TRHDE: variants seen among roughly 807,000 people sequenced by gnomAD.
TRHDE encodes thyrotropin-releasing hormone-degrading ectoenzyme.
Under a neutral mutation model 125.7 loss-of-function variants are expected in TRHDE, and 72 were observed. The observed-to-expected ratio is 0.57, with a 90% CI of 0.47 to 0.70. The LOEUF (loss-of-function observed/expected upper bound fraction) is 0.70. Among genes scored for constraint, TRHDE ranks in the 30% least tolerant of loss-of-function variants. The pLI is 0.00. For synonymous variants in TRHDE, 509 were observed against 509.1 expected (o/e 1.00, Z 0.00); for missense variants, 1,110 against 1,327.1 (o/e 0.84, Z 2.54).
intron 2 of TRHDE, among the ~76,000 whole-genome samples, chr12:72,239,477 A>G (rs757156916): frequency 3.3e-5 from 5 of 152,152 alleles, no homozygotes; most frequent in Non-Finnish European, 5.9e-5. Context: ...TATGTCCTGA[A>G]TGGTATTGCC....
At chr12:72,394,166 C>A (rs147433553) in intron 3 of TRHDE, among the ~76,000 whole-genome samples, 1 of 152,148 alleles carries the variant, frequency 6.6e-6, no homozygotes, top group Non-Finnish European at 1.5e-5. Flanking sequence ...TGTTAAGTCA[C>A]CAGAGTCTAA....
intron 3 of TRHDE, among the ~76,000 whole-genome samples, chr12:72,394,976 T>G (rs1182800485): frequency 1.3e-5 from 2 of 152,256 alleles, no homozygotes; most frequent in Non-Finnish European, 2.9e-5. Context: ...CTTGGAAATA[T>G]GTATACATTG....
chr12:72,594,145 A>T (rs1009335012), intron 12 of TRHDE, among the ~76,000 whole-genome samples: 1 of 152,112 alleles, frequency 6.6e-6, no homozygotes, highest in Non-Finnish European at 1.5e-5. Flanking sequence ...GTGTAAAAGC[A>T]TTCCTATTTC....
At chr12:72,261,738 C>T (rs1878955617) in intron 2 of TRHDE, among the ~76,000 whole-genome samples, 1 of 152,116 alleles carries the variant, frequency 6.6e-6, no homozygotes. Context: ...TGGGCAAGAG[C>T]TCTAGACTAA....
intron 15 of TRHDE, among the ~76,000 whole-genome samples, chr12:72,647,518 A>G (rs1191905822): frequency 6.6e-6 from 1 of 152,064 alleles, no homozygotes; most frequent in Non-Finnish European, 1.5e-5. Flanking sequence ...ACAAGATAAA[A>G]TTGATAAATC....
intron 12 of TRHDE, among the ~76,000 whole-genome samples, chr12:72,617,960 C>T (rs1666524990): frequency 6.6e-6 from 1 of 152,098 alleles, no homozygotes; most frequent in Non-Finnish European, 1.5e-5. Flanking sequence ...AGTGAGATAT[C>T]AACATTCAAA....
chr12:72,197,574 A>T (rs1033911891), intron 2 of TRHDE, among the ~76,000 whole-genome samples: 1 of 152,100 alleles, frequency 6.6e-6, no homozygotes, highest in Non-Finnish European at 1.5e-5. Context: ...CTTAAGGTAA[A>T]ATCTGAAATG....
chr12:72,208,149 C>T (rs1191732513), intron 2 of TRHDE, among the ~76,000 whole-genome samples: 2 of 152,114 alleles, frequency 1.3e-5, no homozygotes, highest in East Asian at 1.9e-4. Flanking sequence ...TTCAGCTATT[C>T]GCTAATTTCT....
intron 2 of TRHDE, among the ~76,000 whole-genome samples, chr12:72,348,610 C>G (rs991825439): frequency 6.6e-6 from 1 of 152,032 alleles, no homozygotes; most frequent in Admixed American, 6.6e-5. Context: ...GCTAGGACTT[C>G]TTTCCCAGAT....
intron 3 of TRHDE, among the ~76,000 whole-genome samples, chr12:72,388,378 C>A (rs1181950827): frequency 6.6e-6 from 1 of 152,132 alleles, no homozygotes; most frequent in African/African-American, 2.4e-5. Flanking sequence ...TCCCACATCT[C>A]CCTTATTTCT....
intron 2 of TRHDE, among the ~76,000 whole-genome samples, chr12:72,288,235 G>A (rs1879964140): frequency 6.6e-6 from 1 of 152,212 alleles, no homozygotes; most frequent in East Asian, 1.9e-4. Context: ...TTTTTAATTT[G>A]TAGGAAGTTG....
intron 2 of TRHDE, among the ~76,000 whole-genome samples, chr12:72,155,604 T>C (rs1221961059): frequency 6.6e-6 from 1 of 152,220 alleles, no homozygotes; most frequent in Non-Finnish European, 1.5e-5. Flanking sequence ...TAGTTTTCTT[T>C]CTAACAGTCA....
chr12:72,131,985 C>T (rs1298206294), intron 2 of TRHDE, among the ~76,000 whole-genome samples: 1 of 152,218 alleles, frequency 6.6e-6, no homozygotes, highest in Non-Finnish European at 1.5e-5. Context: ...GACAATAATA[C>T]AACCTACTAT....
rs540653616 is a variant in TRHDE at position 72,407,465 on chromosome 12, G to C, written c.1315+29344G>C. ...GGCTACACAGGAGAACGCTAGTGTG[G>C]AGTCATTTTAGAATTTGTCCAGTAG... On this transcript the variant is annotated intron_variant, in intron 3 of 18. Transcript: ENST00000261180. 7.9e-5 allele frequency among the ~76,000 whole-genome samples: 12 copies of C among 152,312 alleles called. No individual in the cohort carries two copies. The East Asian group carries it at 2.3e-3, about 29-fold the overall frequency.
intron 15 of TRHDE, among the ~76,000 whole-genome samples, chr12:72,639,927 A>T (rs1378267645): frequency 6.7e-6 from 1 of 150,216 alleles, no homozygotes; most frequent in Non-Finnish European, 1.5e-5. Context: ...AGGGACACTT[A>T]AGTCTGTAGA....
chr12:72,147,913 A>G lies in TRHDE; in HGVS notation n.279+42161A>G, dbSNP rs1876266224. ...GCTCAGCAGATGATGAGTGGTTTCAACTGGGCTGAACAGCTCTCTAATGAT... is the reference window on the plus strand; with the variant it reads ...GCTCAGCAGATGATGAGTGGTTTCAGCTGGGCTGAACAGCTCTCTAATGAT... On this transcript the variant is annotated intron_variant and non_coding_transcript_variant, in intron 2 of 4. Coordinates refer to the TRHDE transcript ENST00000548156. The G allele has an allele frequency of 2.6e-5, 4 of 152,252 alleles. 1 individual carries two copies. Among genetic ancestry groups the G allele is most frequent in the South Asian group, 4.1e-4 (2 of 4,832 alleles). The allele number at this position is 152,252 out of a possible 1,614,324, so 9.4% of individuals were successfully genotyped here.
intron 7 of TRHDE, among the ~76,000 whole-genome samples, chr12:72,557,529 G>A (rs1339052244): frequency 6.6e-6 from 1 of 152,140 alleles, no homozygotes; most frequent in Non-Finnish European, 1.5e-5. Flanking sequence ...CATTTATGTG[G>A]TTAATCCTCT....
At chr12:72,394,799 A>G (rs1277069847) in intron 3 of TRHDE, among the ~76,000 whole-genome samples, 1 of 151,996 alleles carries the variant, frequency 6.6e-6, no homozygotes, top group Non-Finnish European at 1.5e-5. Context: ...ACCTTCCTAA[A>G]ATCTCTGGCT....
intron 12 of TRHDE, among the ~76,000 whole-genome samples, 173 bp from the exon 13 acceptor site, chr12:72,618,718 T>A (rs1694544170): frequency 6.6e-6 from 1 of 152,178 alleles, no homozygotes; most frequent in Admixed American, 6.6e-5. Context: ...TATATTAAGG[T>A]GGCACTGGCA....
Sources: allele counts gnomAD v4.1 joint callset (sites outside exome capture counted in the v4.1 genomes callset), GRCh38; gene constraint gnomAD v4.1.1; transcripts MANE v1.5; gene names NCBI Gene and HGNC (gene_info 2026-07-23, HGNC 2026-07-21).